Variants in NAALADL2 observed in about 807,000 individuals in gnomAD.
The protein encoded by NAALADL2 is inactive N-acetylated-alpha-linked acidic dipeptidase-like protein 2.
A neutral mutation model predicts 87.2 loss-of-function variants in NAALADL2; 76 were observed. The observed-to-expected ratio is 0.87, with a 90% confidence interval of 0.72 to 1.05. The LOEUF (loss-of-function observed/expected upper bound fraction) is 1.05, where lower values mean the gene tolerates loss of function less well. NAALADL2 is among the 50% of genes least tolerant of loss of function. NAALADL2 has a pLI of 0.00. For missense variants in NAALADL2, 1,089 were observed against 945.8 expected, an observed-to-expected ratio of 1.15 and a Z score of -1.99; for synonymous variants, 354 against 331.0, an observed-to-expected ratio of 1.07 and a Z score of -0.75.
intron 9 of NAALADL2, among the ~76,000 whole-genome samples, chr3:175,503,703 G>A (rs1431637563): frequency 6.6e-6 from 1 of 152,020 alleles, no homozygotes; most frequent in East Asian, 1.9e-4. Context: ...GTTTTCACAT[G>A]CTTGTTGGCT....
At chr3:174,814,881 C>T (rs1057175063) in intron 3 of NAALADL2, among the ~76,000 whole-genome samples, 126 of 152,254 alleles carry the variant, frequency 8.3e-4, no homozygotes, top group Non-Finnish European at 1.6e-3. Flanking sequence ...CAGAAGTAGT[C>T]TGTGGGTACG....
chr3:174,659,705 G>T (rs1725328751), intron 2 of NAALADL2, among the ~76,000 whole-genome samples: 1 of 152,166 alleles, frequency 6.6e-6, no homozygotes, highest in Non-Finnish European at 1.5e-5. Flanking sequence ...GATAAGTCAG[G>T]TTATTTATCC....
intron 3 of NAALADL2, among the ~76,000 whole-genome samples, chr3:174,801,991 CTG>C (rs1046604857): frequency 3.4e-4 from 52 of 152,060 alleles, no homozygotes; most frequent in African/African-American, 1.2e-3. Context: ...ATAATTTAAT[CTG>C]TGAATATTTT....
intron 2 of NAALADL2, among the ~76,000 whole-genome samples, chr3:175,232,435 A>C (rs1446462071): frequency 6.6e-6 from 1 of 152,016 alleles, no homozygotes; most frequent in African/African-American, 2.4e-5. Context: ...TCTGCTTCTT[A>C]TGTCTTTTCC....
intron 1 of NAALADL2, among the ~76,000 whole-genome samples, chr3:174,480,638 T>C (rs908720220): frequency 3.3e-5 from 5 of 152,146 alleles, no homozygotes; most frequent in African/African-American, 9.7e-5. Context: ...TTATTAATCA[T>C]ATACATTCTT....
At chr3:174,653,409 G>T (rs1560119581) in intron 2 of NAALADL2, among the ~76,000 whole-genome samples, 1 of 152,040 alleles carries the variant, frequency 6.6e-6, no homozygotes, top group African/African-American at 2.4e-5. Context: ...TTTCTGTCTG[G>T]TTTTCTTTTA....
chr3:174,649,899 A>G (rs1724181202), intron 2 of NAALADL2, among the ~76,000 whole-genome samples: 1 of 152,144 alleles, frequency 6.6e-6, no homozygotes, highest in Admixed American at 6.5e-5. Context: ...GTGGCAAGAC[A>G]TTGCTCATAT....
At chr3:174,596,822 T>C (rs1472370663) in intron 2 of NAALADL2, among the ~76,000 whole-genome samples, 1 of 152,238 alleles carries the variant, frequency 6.6e-6, no homozygotes, top group Non-Finnish European at 1.5e-5. Context: ...AACTATATGC[T>C]AGACATCTTT....
chr3:174,469,844 CATT>C (rs919909898), intron 1 of NAALADL2, among the ~76,000 whole-genome samples: 10 of 152,034 alleles, frequency 6.6e-5, no homozygotes, highest in African/African-American at 9.7e-5. Context: ...ATCTAAGACA[CATT>C]GTTGTCTCAT....
intron 2 of NAALADL2, among the ~76,000 whole-genome samples, chr3:175,185,633 T>A (rs991480913): frequency 6.6e-6 from 1 of 151,684 alleles, no homozygotes; most frequent in Non-Finnish European, 1.5e-5. Flanking sequence ...AGAATAGTGG[T>A]TATCTTTGAT....
At chr3:174,526,907 C>T (rs1202360087) in intron 1 of NAALADL2, among the ~76,000 whole-genome samples, 1 of 151,984 alleles carries the variant, frequency 6.6e-6, no homozygotes, top group African/African-American at 2.4e-5. Context: ...AAACTCCTGA[C>T]CTTAAGTGAT....
At chr3:175,590,536 A>G (rs187363213) in intron 10 of NAALADL2, among the ~76,000 whole-genome samples, 5 of 152,274 alleles carry the variant, frequency 3.3e-5, no homozygotes, top group Admixed American at 3.3e-4. Flanking sequence ...TGGCATTTAT[A>G]AAGGAATCTA....
chr3:175,064,469 G>A (rs542147660), intron 1 of NAALADL2, among the ~76,000 whole-genome samples: 1 of 152,186 alleles, frequency 6.6e-6, no homozygotes, highest in African/African-American at 2.4e-5. Context: ...CATCCAGGGC[G>A]CCTTAACTGC....
chr3:174,811,427 T>C (rs1048759140), intron 3 of NAALADL2, among the ~76,000 whole-genome samples: 1 of 152,136 alleles, frequency 6.6e-6, no homozygotes, highest in South Asian at 2.1e-4. Flanking sequence ...ATGTGAGACA[T>C]AGAGTCAAAG....
At chr3:175,780,934 T>TAATA (rs1390211960) in intron 13 of NAALADL2, among the ~76,000 whole-genome samples, 7 of 152,152 alleles carry the variant, frequency 4.6e-5, no homozygotes, top group African/African-American at 1.7e-4. Flanking sequence ...CTCAACTCTT[T>TAATA]AATAATCTTA....
chr3:174,818,432 G>T (rs1476245664), intron 3 of NAALADL2, among the ~76,000 whole-genome samples: 1 of 151,994 alleles, frequency 6.6e-6, no homozygotes, highest in African/African-American at 2.4e-5. Context: ...GGGCCAGCTG[G>T]AATATTTTTG....
At chr3:175,375,682 TA>T (rs1767045973) in intron 5 of NAALADL2, among the ~76,000 whole-genome samples, 1 of 152,160 alleles carries the variant, frequency 6.6e-6, no homozygotes, top group South Asian at 2.1e-4. Flanking sequence ...TTTGTGTAGA[TA>T]ATATATAGTG....
intron 3 of NAALADL2, among the ~76,000 whole-genome samples, chr3:174,778,243 GATAT>G (rs1198420401): frequency 6.6e-6 from 1 of 152,044 alleles, no homozygotes; most frequent in Non-Finnish European, 1.5e-5. Flanking sequence ...GATTAATGGG[GATAT>G]TCAGCTTGGT....
At chr3:174,551,353 A>C (rs1712106627) in intron 2 of NAALADL2, 1 of 152,202 alleles carries the variant, frequency 6.6e-6, no homozygotes, top group African/African-American at 2.4e-5. Flanking sequence ...TGTATGGCTA[A>C]TATATTACCA....
Sources: allele counts gnomAD v4.1 joint callset (sites outside exome capture counted in the v4.1 genomes callset), GRCh38; gene constraint gnomAD v4.1.1; transcripts MANE v1.5; gene names NCBI Gene and HGNC (gene_info 2026-07-23, HGNC 2026-07-21).